Variants in SPINT4 observed in about 807,000 individuals in gnomAD.
SPINT4 encodes the protein serine peptidase inhibitor, Kunitz type 4, also known as kunitz-type protease inhibitor 4.
SPINT4 carries 7 observed loss-of-function variants against 9.4 expected under a neutral mutation model. The ratio of observed to expected loss-of-function variants is 0.74; its 90% CI spans 0.42 to 1.40. The LOEUF (loss-of-function observed/expected upper bound fraction) is 1.40, where lower values mean the gene tolerates loss of function less well. Among genes scored for constraint, SPINT4 ranks in the 40% most tolerant of loss-of-function variants. SPINT4 has a pLI of 0.01. For synonymous variants in SPINT4, 36 were observed against 39.9 expected, an observed-to-expected ratio of 0.90 and a Z score of 0.37; for missense variants, 105 against 114.4, an observed-to-expected ratio of 0.92 and a Z score of 0.37.
In SPINT4 at chr20:45,723,916, A is replaced by G. The variant is rs2145655218; in HGVS notation, c.152A>G (p.Tyr51Cys). The change falls in exon 2 of 3, where the codon TAT becomes TGT. Residue 51 changes from tyrosine (Y) to cysteine (C), a missense_variant. Physicochemically the swap from Tyr to Cys is radical, Grantham distance 194 (BLOSUM62 -2). Coordinates refer to ENST00000279058, the MANE Select transcript of SPINT4 (RefSeq NM_178455.3). ...CKLDMNFGSC[Y>C]EVHFRYFYNR... ...TTGGACATGAATTTTGGAAGCTGCT[A>G]TGAAGTTCACTTTAGATATTTCTAC... 6.2e-7 allele frequency: 1 copy of G among 1,600,210 alleles called. No homozygotes were observed. Among genetic ancestry groups the G allele is most frequent in the East Asian group, 2.3e-5 (1 of 44,436 alleles).
intron 1 of SPINT4, 124 bp from the exon 2 acceptor site, chr20:45,723,756 C>T (rs1984857270): frequency 1.3e-6 from 1 of 771,376 alleles, no homozygotes; most frequent in Admixed American, 3.2e-5. Context: ...CCACATCTTT[C>T]AGAGTCCTTG....
intron 1 of SPINT4, among the ~76,000 whole-genome samples, chr20:45,723,522 GA>G (rs1281616081): frequency 6.6e-6 from 1 of 152,066 alleles, no homozygotes. Context: ...AAAAGGAAAG[GA>G]AGATGATGTG....
intron 1 of SPINT4, among the ~76,000 whole-genome samples, chr20:45,722,807 G>T (rs1339049982): frequency 6.6e-6 from 1 of 152,148 alleles, no homozygotes; most frequent in Non-Finnish European, 1.5e-5. Context: ...ATTGGGATGA[G>T]AGAGAAAGGG....
intron 2 of SPINT4, among the ~76,000 whole-genome samples, chr20:45,724,995 A>AAAAATAT (rs1387842262): frequency 1.9e-4 from 7 of 36,428 alleles, no homozygotes; most frequent in Admixed American, 3.2e-4. Context: ...AAAAAAAAAA[A>AAAAATAT]ATATATATAT....
At chr20:45,722,819 G>A (rs1236249352) in intron 1 of SPINT4, among the ~76,000 whole-genome samples, 3 of 152,130 alleles carry the variant, frequency 2.0e-5, no homozygotes, top group Admixed American at 6.5e-5. Flanking sequence ...GAGAAAGGGG[G>A]TTGGAGACAG....
intron 1 of SPINT4, among the ~76,000 whole-genome samples, chr20:45,723,596 G>A (rs945398667): frequency 5.3e-5 from 8 of 151,990 alleles, no homozygotes; most frequent in Admixed American, 2.6e-4. Context: ...GAAGCTCATC[G>A]CCCTGCACAA....
At chr20:45,723,621 C>A (rs1375561331) in intron 1 of SPINT4, among the ~76,000 whole-genome samples, 1 of 152,090 alleles carries the variant, frequency 6.6e-6, no homozygotes, top group African/African-American at 2.4e-5. Flanking sequence ...GTGGTGGAAC[C>A]TCCTTTTTCA....
chr20:45,724,998 ATATATATAT>A (rs1984904741), intron 2 of SPINT4, among the ~76,000 whole-genome samples: 1 of 92,668 alleles, frequency 1.1e-5, no homozygotes, highest in African/African-American at 6.1e-5. Context: ...AAAAAAAAAT[ATATATATAT>A]ATATATATAT....
At chr20:45,723,002 A>T (rs1984837837) in intron 1 of SPINT4, among the ~76,000 whole-genome samples, 1 of 152,108 alleles carries the variant, frequency 6.6e-6, no homozygotes, top group South Asian at 2.1e-4. Flanking sequence ...AGCACAGTTT[A>T]TACCGTAAGT....
In SPINT4 at chr20:45,725,596, C is replaced by A. The variant is rs1303667026; in HGVS notation, c.294-33C>A. The A allele has an allele frequency of 2.5e-6, 4 of 1,613,200 alleles. No individual in the cohort carries two copies. The African/African-American group carries it at 4.0e-5, about 16-fold the overall frequency. On this transcript the variant is annotated intron_variant, in intron 2 of 2. Coordinates refer to ENST00000279058, the MANE Select transcript of SPINT4 (RefSeq NM_178455.3). ...GGAGACCTTCAAAAACCTGTAACAC[C>A]GATTTGGGTTTTTCTTTCCTTTGCT...
chr20:45,725,410 A>G (rs1046912259), intron 2 of SPINT4, among the ~76,000 whole-genome samples: 4 of 152,072 alleles, frequency 2.6e-5, no homozygotes, highest in African/African-American at 4.8e-5. Flanking sequence ...TTTATTTTAT[A>G]TTCCTAGTGG....
intron 2 of SPINT4, 127 bp from the exon 3 acceptor site, chr20:45,725,502 G>A: frequency 2.2e-6 from 2 of 930,022 alleles, no homozygotes; most frequent in Admixed American, 3.9e-5. Flanking sequence ...AATAAAATAA[G>A]GGAAACATTG....
chr20:45,725,557 C>G, intron 2 of SPINT4, 72 bp from the exon 3 acceptor site: 1 of 1,551,984 alleles, frequency 6.4e-7, no homozygotes, highest in Non-Finnish European at 8.9e-7. Flanking sequence ...AAAAAATGAC[C>G]TGCATTAATC....
chr20:45,723,293 C>T (rs1455728396), intron 1 of SPINT4, among the ~76,000 whole-genome samples: 1 of 152,008 alleles, frequency 6.6e-6, no homozygotes, highest in Non-Finnish European at 1.5e-5. Flanking sequence ...ACAATAAAAA[C>T]AGAGGGTTTG....
At chr20:45,724,212 G>A (rs1009991154) in intron 2 of SPINT4, among the ~76,000 whole-genome samples, 155 bp downstream of exon 2, 1 of 151,984 alleles carries the variant, frequency 6.6e-6, no homozygotes, top group African/African-American at 2.4e-5. Context: ...GGGTTGGCCG[G>A]GCGCAGTGGC....
intron 2 of SPINT4, 67 bp downstream of exon 2, chr20:45,724,124 T>C (rs1984870445): frequency 1.4e-6 from 2 of 1,476,580 alleles, no homozygotes; most frequent in East Asian, 2.4e-5. Context: ...CATCCTAAGA[T>C]AGAGAAAATT....
chr20:45,725,593 C>A (rs1301070446), intron 2 of SPINT4, 36 bp from the exon 3 acceptor site: 1 of 1,613,248 alleles, frequency 6.2e-7, no homozygotes, highest in African/African-American at 1.3e-5. Flanking sequence ...AAACCTGTAA[C>A]ACCGATTTGG....
At chr20:45,725,070 C>A (rs2145656186) in intron 2 of SPINT4, among the ~76,000 whole-genome samples, 1 of 132,934 alleles carries the variant, frequency 7.5e-6, no homozygotes, top group Admixed American at 8.0e-5. Flanking sequence ...GATGAAGAAA[C>A]CAAGTACAGT....
rs138505903 is a variant in SPINT4 at position 45,725,636 on chromosome 20, G to C, written c.*1G>C. On this transcript the variant is annotated 3_prime_UTR_variant, in exon 3 of 3. Coordinates refer to ENST00000279058, the MANE Select transcript of SPINT4 (RefSeq NM_178455.3). ...TTTCCTTTGCTTAAACAGGAGGTGAGAGGATGTGAACTCATGAAGTTGTCT... is the reference window on the plus strand; with the variant it reads ...TTTCCTTTGCTTAAACAGGAGGTGACAGGATGTGAACTCATGAAGTTGTCT... The C allele has an allele frequency of 2.4e-5, 38 of 1,613,854 alleles. No homozygotes were observed. The African/African-American group carries it at 3.5e-4, about 15-fold the overall frequency.
Sources: allele counts gnomAD v4.1 joint callset (sites outside exome capture counted in the v4.1 genomes callset), GRCh38; gene constraint gnomAD v4.1.1; transcripts MANE v1.5; gene names NCBI Gene and HGNC (gene_info 2026-07-23, HGNC 2026-07-21).